ATL1: variants seen among roughly 807,000 people sequenced by gnomAD.
ATL1 encodes the protein atlastin-1.
Under a neutral mutation model 75.5 loss-of-function variants are expected in ATL1, and 31 were observed. The ratio of observed to expected loss-of-function variants is 0.41; its 90% CI spans 0.31 to 0.55. The LOEUF (loss-of-function observed/expected upper bound fraction) is 0.55. Ranked by LOEUF, ATL1 falls within the 20% of genes least tolerant of loss-of-function variation. The pLI, the probability that ATL1 is intolerant of heterozygous loss-of-function variation, is 0.27. For synonymous variants in ATL1, 226 were observed against 233.3 expected, an observed-to-expected ratio of 0.97 and a Z score of 0.28; for missense variants, 405 against 662.6, an observed-to-expected ratio of 0.61 and a Z score of 4.27.
chr14:50,579,105 GT>G (rs546776211), intron 1 of ATL1, among the ~76,000 whole-genome samples: 4 of 151,962 alleles, frequency 2.6e-5, no homozygotes, highest in South Asian at 2.1e-4. Flanking sequence ...TTGCTTATTT[GT>G]GTCTTTTGTC....
intron 1 of ATL1, among the ~76,000 whole-genome samples, chr14:50,563,426 T>C (rs1213217230): frequency 6.6e-6 from 1 of 152,102 alleles, no homozygotes; most frequent in Non-Finnish European, 1.5e-5. Context: ...AGAAAAATCT[T>C]ATGAGAGCTT....
chr14:50,614,285 A>C (rs2039393913), intron 7 of ATL1, 88 bp from the exon 8 acceptor site: 3 of 1,435,822 alleles, frequency 2.1e-6, no homozygotes, highest in South Asian at 2.3e-5. Flanking sequence ...TGTGGGACCA[A>C]ACAGACATAG....
intron 1 of ATL1, among the ~76,000 whole-genome samples, chr14:50,563,598 A>C (rs1457503773): frequency 1.3e-5 from 2 of 152,232 alleles, no homozygotes; most frequent in Non-Finnish European, 2.9e-5. Context: ...GAGAGCTAAA[A>C]TTTAGATAAG....
intron 1 of ATL1, among the ~76,000 whole-genome samples, chr14:50,539,324 A>G (rs1246709224): frequency 6.6e-6 from 1 of 152,224 alleles, no homozygotes; most frequent in Admixed American, 6.5e-5. Context: ...TTATTGTGTC[A>G]TTTGGCTCTT....
intron 6 of ATL1, among the ~76,000 whole-genome samples, chr14:50,612,235 T>G (rs540870155): frequency 8.5e-5 from 13 of 152,088 alleles, no homozygotes; most frequent in Non-Finnish European, 1.8e-4. Context: ...GTCAGGCACG[T>G]GGTTACCCTT....
At chr14:50,617,566 G>A (rs537428555) in intron 8 of ATL1, among the ~76,000 whole-genome samples, 92 of 152,254 alleles carry the variant, frequency 6.0e-4, no homozygotes, top group Admixed American at 1.1e-3. Context: ...AATTTATACA[G>A]CAATACTATA....
chr14:50,627,869 C>A (rs1429044622), intron 11 of ATL1, among the ~76,000 whole-genome samples, 162 bp from the exon 12 acceptor site: 1 of 152,070 alleles, frequency 6.6e-6, no homozygotes, highest in Non-Finnish European at 1.5e-5. Context: ...ATAGTCATGC[C>A]TCGTGGATAG....
At chr14:50,624,374 A>G (rs886985657) in intron 11 of ATL1, among the ~76,000 whole-genome samples, 4 of 151,996 alleles carry the variant, frequency 2.6e-5, no homozygotes, top group South Asian at 2.1e-4. Flanking sequence ...CATTATTATT[A>G]TATCTGTTAT....
At chr14:50,620,368 C>T (rs1485850851) in intron 8 of ATL1, among the ~76,000 whole-genome samples, 2 of 152,046 alleles carry the variant, frequency 1.3e-5, no homozygotes, top group African/African-American at 4.8e-5. Context: ...ATCAAGAAAG[C>T]TAACTTATAG....
At chr14:50,616,815 T>G (rs1221225411) in intron 8 of ATL1, among the ~76,000 whole-genome samples, 1 of 152,196 alleles carries the variant, frequency 6.6e-6, no homozygotes, top group African/African-American at 2.4e-5. Flanking sequence ...AAAGCCCTCT[T>G]TTGTGCAGAA....
intron 6 of ATL1, among the ~76,000 whole-genome samples, chr14:50,605,639 T>A (rs1024281276): frequency 6.6e-6 from 1 of 152,034 alleles, no homozygotes; most frequent in Non-Finnish European, 1.5e-5. Context: ...TAATTTTTTT[T>A]ATTTTTCTTG....
intron 1 of ATL1, among the ~76,000 whole-genome samples, chr14:50,541,005 G>C (rs1258016663): frequency 3.3e-5 from 5 of 152,224 alleles, no homozygotes; most frequent in Non-Finnish European, 7.3e-5. Flanking sequence ...GTTGATGCTA[G>C]TCATAGTTGT....
chr14:50,544,044 G>A (rs993400655), intron 1 of ATL1, among the ~76,000 whole-genome samples: 3 of 152,208 alleles, frequency 2.0e-5, no homozygotes, highest in Non-Finnish European at 4.4e-5. Flanking sequence ...GGGGAAATTG[G>A]TTATTGCTCC....
chr14:50,587,447 A>G lies in ATL1; in HGVS notation c.35-384A>G, dbSNP rs1171996365. 7.3e-5 allele frequency among the ~76,000 whole-genome samples: 11 copies of G among 151,572 alleles called. No individual in the cohort carries two copies. The South Asian group carries it at 1.0e-3, about 14-fold the overall frequency. The stretch of plus-strand genomic sequence containing the variant: ...CTTTTTTGAGACAGGGTCTCCCTCT[A>G]TTGTCCAGGCTGGAGTGCAGTGGCA... On this transcript the variant is annotated intron_variant, in intron 1 of 13. Transcript: ENST00000358385.
chr14:50,569,556 T>C (rs2038936274), intron 1 of ATL1, among the ~76,000 whole-genome samples: 1 of 152,196 alleles, frequency 6.6e-6, no homozygotes, highest in Admixed American at 6.5e-5. Context: ...TTAAACCATA[T>C]AGAATACCAA....
intron 5 of ATL1, among the ~76,000 whole-genome samples, chr14:50,595,276 T>A (rs1210878984): frequency 6.6e-6 from 1 of 152,082 alleles, no homozygotes; most frequent in Non-Finnish European, 1.5e-5. Context: ...ATTCTAGATA[T>A]AAAAAGTGTT....
intron 11 of ATL1, among the ~76,000 whole-genome samples, chr14:50,623,562 A>C (rs1423588584): frequency 6.6e-6 from 1 of 151,778 alleles, no homozygotes; most frequent in Non-Finnish European, 1.5e-5. Flanking sequence ...TACCCTCGCC[A>C]CTACACCTCC....
intron 1 of ATL1, among the ~76,000 whole-genome samples, chr14:50,538,674 C>T (rs1452507343): frequency 6.6e-6 from 1 of 152,214 alleles, no homozygotes; most frequent in Non-Finnish European, 1.5e-5. Flanking sequence ...CTTACAGCTG[C>T]ATAGCTCTTG....
At chr14:50,605,607 A>G (rs1338722459) in intron 6 of ATL1, among the ~76,000 whole-genome samples, 2 of 151,980 alleles carry the variant, frequency 1.3e-5, no homozygotes, top group Non-Finnish European at 2.9e-5. Context: ...TTTAAGAGAA[A>G]GTCTTCCAAA....
Sources: allele counts gnomAD v4.1 joint callset (sites outside exome capture counted in the v4.1 genomes callset), GRCh38; gene constraint gnomAD v4.1.1; transcripts MANE v1.5; gene names NCBI Gene and HGNC (gene_info 2026-07-23, HGNC 2026-07-21).